Variants in KIF27 observed in about 807,000 individuals in gnomAD.
The protein encoded by KIF27 is kinesin-like protein KIF27.
Under a neutral mutation model 141.8 loss-of-function variants are expected in KIF27, and 84 were observed. The observed-to-expected ratio is 0.59, with a 90% confidence interval of 0.50 to 0.71. KIF27 has a LOEUF of 0.71. Ranked by LOEUF, KIF27 falls within the 30% of genes least tolerant of loss-of-function variation. KIF27 has a pLI of 0.00. For missense variants in KIF27, 1,306 were observed against 1,628.4 expected (o/e 0.80, Z 3.41); for synonymous variants, 471 against 569.5 (o/e 0.83, Z 2.46).
chr9:83,839,211 G>A (rs760976598), intron 17 of KIF27, among the ~76,000 whole-genome samples: 7 of 152,124 alleles, frequency 4.6e-5, no homozygotes, highest in Non-Finnish European at 7.4e-5. Context: ...GGGGGAAGGA[G>A]TAAGGCATCT....
chr9:83,882,339 G>A (rs2132229430), intron 10 of KIF27, among the ~76,000 whole-genome samples: 1 of 152,116 alleles, frequency 6.6e-6, no homozygotes, highest in South Asian at 2.1e-4. Context: ...TCCAGCCTGG[G>A]CAACAGAGCA....
chr9:83,855,016 G>GA (rs1949033247), intron 14 of KIF27: 2 of 151,954 alleles, frequency 1.3e-5, no homozygotes, highest in Non-Finnish European at 2.9e-5. Context: ...CATCCCAAAG[G>GA]AAAATAATAT....
intron 11 of KIF27, among the ~76,000 whole-genome samples, chr9:83,872,347 T>C (rs1288518353): frequency 6.6e-6 from 1 of 151,998 alleles, no homozygotes; most frequent in African/African-American, 2.4e-5. Flanking sequence ...AGGCGCAATG[T>C]TCATGGTGCC....
chr9:83,864,479 C>A (rs1588071210), intron 13 of KIF27, among the ~76,000 whole-genome samples: 1 of 152,062 alleles, frequency 6.6e-6, no homozygotes, highest in African/African-American at 2.4e-5. Flanking sequence ...TGTAGTTGAG[C>A]GGTTTTGAGT....
At chr9:83,846,733 G>A (rs1038877422) in intron 16 of KIF27, among the ~76,000 whole-genome samples, 4 of 152,104 alleles carry the variant, frequency 2.6e-5, no homozygotes, top group African/African-American at 9.7e-5. Flanking sequence ...TTTGCTTCCT[G>A]TTCCCGCAAT....
At chr9:83,881,200 G>C (rs552148838) in intron 10 of KIF27, among the ~76,000 whole-genome samples, 1 of 151,706 alleles carries the variant, frequency 6.6e-6, no homozygotes, top group Non-Finnish European at 1.5e-5. Context: ...CTAAAATTAC[G>C]TACAGATAGC....
Position 83,848,169 on chromosome 9 carries a change from C to A in KIF27, c.3556+1930G>T, listed in dbSNP as rs369742793. ...ATCTGATATATCATATATGATATAT[C>A]TGATATATCATATATGATATATATG... On this transcript the variant is annotated intron_variant, in intron 16 of 17. Coordinates refer to ENST00000297814, the MANE Select transcript of KIF27 (RefSeq NM_017576.4). Among the ~76,000 whole-genome samples the A allele has an allele frequency of 6.4e-3, 389 of 60,546 alleles. 101 individuals carry two copies. Among genetic ancestry groups the A allele is most frequent in the South Asian group, 0.014 (32 of 2,254 alleles). The allele number at this position is 60,546 out of a possible 152,430, so 39.7% of individuals were successfully genotyped here. A position where few individuals can be genotyped will look rare whatever the true frequency, so the allele number is the denominator to read the frequency against.
intron 6 of KIF27, 71 bp downstream of exon 6, chr9:83,891,224 T>TC: frequency 8.0e-7 from 1 of 1,243,418 alleles, no homozygotes; most frequent in Non-Finnish European, 1.2e-6. Context: ...ACTGTATAAA[T>TC]ACACTGTGAT....
chr9:83,839,857 C>T (rs547592499), intron 17 of KIF27, among the ~76,000 whole-genome samples: 30 of 152,184 alleles, frequency 2.0e-4, no homozygotes, highest in Admixed American at 5.2e-4. Flanking sequence ...GTAGGAGAAT[C>T]GTTTGAACCT....
Position 83,870,128 on chromosome 9 carries a change from CATCT to C in KIF27, c.2757+387_2757+390del, listed in dbSNP as rs985018086. On this transcript the variant is annotated intron_variant, in intron 12 of 17. Transcript: ENST00000297814. ...TTTATTCAGAGTCCACCAGTTTTTA[CATCT>C]ATCTATCTCTCTATCTATCTATCTA... Among the ~76,000 whole-genome samples the C allele has an allele frequency of 1.0e-4, 15 of 150,436 alleles. No homozygotes were observed. The East Asian group carries it at 2.5e-3, about 25-fold the overall frequency.
chr9:83,909,611 CAAAA>C (rs535947964), intron 2 of KIF27, among the ~76,000 whole-genome samples: 2 of 70,514 alleles, frequency 2.8e-5, no homozygotes, highest in Admixed American at 1.8e-4. Context: ...GAAACTGTCT[CAAAA>C]AAAAAAAAAA....
intron 6 of KIF27, among the ~76,000 whole-genome samples, chr9:83,889,855 C>T (rs1311489688): frequency 1.3e-5 from 2 of 152,276 alleles, no homozygotes; most frequent in East Asian, 3.9e-4. Context: ...GTATGGCTAG[C>T]CTGGGAGTTT....
chr9:83,863,254 A>G (rs7859928), intron 13 of KIF27, among the ~76,000 whole-genome samples: 1 of 152,170 alleles, frequency 6.6e-6, no homozygotes, highest in East Asian at 1.9e-4. Flanking sequence ...GTCTTGTGCC[A>G]GTTTTCAAAG....
At chr9:83,837,576 T>A in intron 17 of KIF27, 91 bp from the exon 18 acceptor site, 5 of 1,261,914 alleles carry the variant, frequency 4.0e-6, no homozygotes, top group Non-Finnish European at 5.5e-6. Flanking sequence ...TACATTATTA[T>A]CACCCAATAT....
chr9:83,837,913 A>G (rs1190909751), intron 17 of KIF27: 2 of 162,324 alleles, frequency 1.2e-5, no homozygotes, highest in Non-Finnish European at 2.7e-5. Context: ...ACTTGGCATT[A>G]TATGTGTGGG....
chr9:83,889,224 CAG>C lies in KIF27; in HGVS notation c.1837_1838del (p.Leu613GlyfsTer23). 1.2e-6 allele frequency: 2 copies of C among 1,613,336 alleles called. No individual in the cohort carries two copies. Among genetic ancestry groups the C allele is most frequent in the African/African-American group, 1.3e-5 (1 of 74,992 alleles). ...TTCGAAATCCAGCAAATATTCGATC[CAG>C]AGAGTACATAGGCGGACTTGTGTGG... ...KVHTSPPMYS[L>X]DRIFAGFRTR... On this transcript the variant is annotated frameshift_variant, in exon 7 of 18. Transcript: ENST00000297814. LOFTEE classifies it high-confidence loss of function.
Position 83,903,892 on chromosome 9 carries a change from G to T in KIF27, c.626C>A (p.Ala209Glu), listed in dbSNP as rs1207322796. The change falls in exon 4 of 18, where the codon GCA (alanine) becomes GAA (glutamate). Residue 209 changes from alanine (A) to glutamate (E), a missense_variant. By Grantham distance (107) the Ala-to-Glu change is moderately radical (BLOSUM62 -1). Transcript: ENST00000297814. Reference sequence around the variant, plus strand: ...TTGACAAATGCTGATTGTAAAAATTGCATGTGATCTGCTGGAGTGCTCATT... The same window carrying T: ...TTGACAAATGCTGATTGTAAAAATTTCATGTGATCTGCTGGAGTGCTCATT... Reference protein sequence around the residue: ...QMNEHSSRSHAIFTISICQVH... With the variant: ...QMNEHSSRSHEIFTISICQVH... The T allele has an allele frequency of 3.1e-6, 5 of 1,613,968 alleles. No individual in the cohort carries two copies. Among genetic ancestry groups the T allele is most frequent in the Non-Finnish European group, 4.2e-6 (5 of 1,179,996 alleles).
intron 13 of KIF27, among the ~76,000 whole-genome samples, chr9:83,861,177 T>A (rs1321259497): frequency 1.0e-3 from 146 of 142,492 alleles, no homozygotes; most frequent in African/African-American, 3.7e-3. Flanking sequence ...GATGGGCTAT[T>A]TCTTTATATA....
chr9:83,904,748 C>T (rs1954316314), intron 3 of KIF27, among the ~76,000 whole-genome samples: 1 of 151,344 alleles, frequency 6.6e-6, no homozygotes, highest in Non-Finnish European at 1.5e-5. Flanking sequence ...TAATTAGTAT[C>T]AATTAAAAGG....
Sources: allele counts gnomAD v4.1 joint callset (sites outside exome capture counted in the v4.1 genomes callset), GRCh38; gene constraint gnomAD v4.1.1; transcripts MANE v1.5; gene names NCBI Gene and HGNC (gene_info 2026-07-23, HGNC 2026-07-21).